Variants in ZNF479 observed in about 807,000 individuals in gnomAD.
The protein encoded by ZNF479 is KRAB zinc finger protein KR19.
ZNF479 carries 15 observed loss-of-function variants against 14.7 expected under a neutral mutation model. The ratio of observed to expected loss-of-function variants is 1.02; its 90% CI spans 0.68 to 1.57. The LOEUF (loss-of-function observed/expected upper bound fraction) is 1.57, where lower values mean the gene tolerates loss of function less well. Ranked by LOEUF, ZNF479 falls within the 40% of genes most tolerant of loss-of-function variation. The probability of loss-of-function intolerance (pLI) is 0.00; values close to 1 mark genes in which losing one functional copy is unlikely to be tolerated. For missense variants in ZNF479, 506 were observed against 615.1 expected (o/e 0.82, Z 1.88); for synonymous variants, 145 against 211.5 (o/e 0.69, Z 2.73).
In ZNF479 at chr7:57,118,744, C is replaced by T; in HGVS notation, c.*1096G>A. 6.6e-6 allele frequency among the ~76,000 whole-genome samples: 1 copy of T among 152,038 alleles called. No homozygotes were observed. Among genetic ancestry groups the T allele is most frequent in the Non-Finnish European group, 1.5e-5 (1 of 67,976 alleles). The stretch of plus-strand genomic sequence containing the variant: ...CCTGATATTAATGGTTTTTCACATT[C>T]TTTGTACAATTTTTCTCTAGTATAA... On this transcript the variant is annotated 3_prime_UTR_variant, in exon 4 of 4. Coordinates refer to ENST00000319636, the MANE Select transcript of ZNF479 (RefSeq NM_001370129.2).
In ZNF479 at chr7:57,120,670, C is replaced by T; in HGVS notation, c.745G>A (p.Ala249Thr). ...GTAAGGTTTGCAGACCAGCTAAAGGCTTTGCCACATTCCTCACATCTATAT... is the reference window on the plus strand; with the variant it reads ...GTAAGGTTTGCAGACCAGCTAAAGGTTTTGCCACATTCCTCACATCTATAT... ...KPYRCEECGK[A>T]FSWSANLTRH... The change falls in exon 4 of 4, where the codon GCC becomes ACC. Residue 249 changes from alanine (A) to threonine (T), a missense_variant. Around this residue, in one of 3 missense-constraint regions of ZNF479, gnomAD observed 420 missense variants for 474.2 expected, o/e 0.89. Transcript: ENST00000319636. The T allele has an allele frequency of 1.2e-6, 2 of 1,613,800 alleles. No individual in the cohort carries two copies. The highest frequency in any genetic ancestry group is 1.7e-4 in the Middle Eastern group (1 of 6,056).
chr7:57,129,479 A>T (rs1985955), intron 1 of ZNF479, among the ~76,000 whole-genome samples: 46,755 of 151,062 alleles, frequency 0.31, 7,723 homozygotes, highest in East Asian at 0.53. Flanking sequence ...TACTAATACT[A>T]CTGCTACAAA....
chr7:57,138,367 A>G (rs1014450073), intron 1 of ZNF479, among the ~76,000 whole-genome samples: 5 of 152,248 alleles, frequency 3.3e-5, no homozygotes, highest in African/African-American at 1.2e-4. Flanking sequence ...AGAGTCCAGC[A>G]CCGAGGTAAA....
At chr7:57,139,433 C>T (rs903575262) in intron 1 of ZNF479, among the ~76,000 whole-genome samples, 9 of 152,190 alleles carry the variant, frequency 5.9e-5, no homozygotes, top group African/African-American at 2.2e-4. Context: ...AATACTTAAC[C>T]ATATCTCGCA....
chr7:57,127,026 CT>C (rs1317795538), intron 1 of ZNF479, among the ~76,000 whole-genome samples: 84 of 77,928 alleles, frequency 1.1e-3, no homozygotes, highest in Middle Eastern at 5.6e-3. Context: ...TTTTTTTTTT[CT>C]TTTTTTTTTT....
intron 1 of ZNF479, among the ~76,000 whole-genome samples, chr7:57,130,759 T>C (rs1045328871): frequency 3.3e-5 from 5 of 152,190 alleles, no homozygotes; most frequent in South Asian, 2.1e-4. Context: ...ATTGGGAATA[T>C]ACCCAGTGAA....
At chr7:57,134,521 C>A (rs1332983023), upstream of ZNF479, among the ~76,000 whole-genome samples, 2 of 152,094 alleles carry the variant, frequency 1.3e-5, no homozygotes, top group Non-Finnish European at 2.9e-5. Flanking sequence ...AGCATATAAT[C>A]AAGAAATAAC....
At chr7:57,126,201 A>G (rs1583938220) in intron 2 of ZNF479, 88 bp from the exon 3 acceptor site, 2 of 1,393,814 alleles carry the variant, frequency 1.4e-6, no homozygotes. Flanking sequence ...TATAATAGAA[A>G]ATTCTAGAAG....
chr7:57,122,761 C>T lies in ZNF479; in HGVS notation c.263-1609G>A, dbSNP rs147387413. On this transcript the variant is annotated intron_variant, in intron 3 of 3. Transcript: ENST00000319636. ...TATAGACACATGAAAGCAAATGAGT[C>T]GATTACTAGAATGAGACAAAGATTG... 5.3e-3 allele frequency among the ~76,000 whole-genome samples: 808 copies of T among 151,920 alleles called. 10 individuals are homozygous for T. The highest frequency in any genetic ancestry group is 0.019 in the African/African-American group (775 of 41,452).
At chr7:57,138,594 G>A (rs980685225) in intron 1 of ZNF479, among the ~76,000 whole-genome samples, 1 of 152,230 alleles carries the variant, frequency 6.6e-6, no homozygotes, top group Non-Finnish European at 1.5e-5. Flanking sequence ...GACCCAGCCA[G>A]TAGGAGAGGT....
intron 1 of ZNF479, among the ~76,000 whole-genome samples, chr7:57,128,747 T>G (rs1437634830): frequency 6.6e-6 from 1 of 152,198 alleles, no homozygotes; most frequent in Non-Finnish European, 1.5e-5. Context: ...ACAAACTCAT[T>G]AGGGATCAAC....
rs1554400556 is a variant in ZNF479 at position 57,121,188 on chromosome 7, C to T, written c.263-36G>A. ...CAAAAAGCACAAGTTACTCCACTTTCTGGACTCATATAAATATATTCTACA... is the reference window on the plus strand; with the variant it reads ...CAAAAAGCACAAGTTACTCCACTTTTTGGACTCATATAAATATATTCTACA... On this transcript the variant is annotated intron_variant, in intron 3 of 3. Coordinates refer to ENST00000319636, the MANE Select transcript of ZNF479 (RefSeq NM_001370129.2). 9.9e-6 allele frequency: 16 copies of T among 1,613,238 alleles called. No individual in the cohort carries two copies. In the East Asian group the frequency reaches 3.6e-4, roughly 36 times the overall value.
upstream of ZNF479, among the ~76,000 whole-genome samples, chr7:57,136,902 G>C (rs144066366): frequency 6.6e-6 from 1 of 151,940 alleles, no homozygotes; most frequent in Non-Finnish European, 1.5e-5. Context: ...TACACTTGTC[G>C]TTACCTTCAT....
intron 1 of ZNF479, among the ~76,000 whole-genome samples, chr7:57,129,187 C>T (rs1302625771): frequency 6.6e-6 from 1 of 152,216 alleles, no homozygotes; most frequent in Non-Finnish European, 1.5e-5. Flanking sequence ...GCACTGACCT[C>T]TTCCTACCAA....
intron 1 of ZNF479, among the ~76,000 whole-genome samples, chr7:57,129,221 G>A: frequency 6.6e-6 from 1 of 152,184 alleles, no homozygotes; most frequent in Non-Finnish European, 1.5e-5. Context: ...AGGCAGTGCA[G>A]CCTTCCTATG....
intron 1 of ZNF479, among the ~76,000 whole-genome samples, chr7:57,128,936 A>G (rs978092434): frequency 3.9e-5 from 6 of 152,168 alleles, no homozygotes; most frequent in African/African-American, 1.4e-4. Flanking sequence ...TCAAACCTGC[A>G]TCTTGAGAAT....
At chr7:57,129,777 C>G (rs2115886907) in intron 1 of ZNF479, among the ~76,000 whole-genome samples, 1 of 152,152 alleles carries the variant, frequency 6.6e-6, no homozygotes, top group South Asian at 2.1e-4. Flanking sequence ...ATTTTTATTT[C>G]TTCTTATCTT....
chr7:57,123,510 G>A (rs970599764), intron 3 of ZNF479, among the ~76,000 whole-genome samples: 58 of 152,292 alleles, frequency 3.8e-4, no homozygotes, highest in Middle Eastern at 3.4e-3. Flanking sequence ...CACCTGGTGC[G>A]TTCTGTTAGA....
chr7:57,130,166 A>G (rs890432974), intron 1 of ZNF479, among the ~76,000 whole-genome samples: 26 of 152,348 alleles, frequency 1.7e-4, no homozygotes, highest in African/African-American at 6.0e-4. Flanking sequence ...TTTGAGACAT[A>G]AATAACTATA....
Sources: allele counts gnomAD v4.1 joint callset (sites outside exome capture counted in the v4.1 genomes callset), GRCh38; gene constraint gnomAD v4.1.1; regional missense constraint gnomAD v4.1.1; transcripts MANE v1.5; gene names NCBI Gene and HGNC (gene_info 2026-07-23, HGNC 2026-07-21).